The following CEP43 variants were observed in gnomAD, a reference collection of about 807,000 sequenced individuals.
The protein encoded by CEP43 is centrosomal protein 43, also known as FGFR1 oncogene partner.
In CEP43, 36 loss-of-function variants were observed where a neutral mutation model predicts 52.6. The ratio of observed to expected loss-of-function variants is 0.68; its 90% CI spans 0.52 to 0.90. The LOEUF is 0.90. Ranked by LOEUF, CEP43 falls within the 40% of genes least tolerant of loss-of-function variation. CEP43 has a pLI of 0.00. For missense variants in CEP43, 506 were observed against 472.8 expected (o/e 1.07, Z -0.65); for synonymous variants, 192 against 172.4 (o/e 1.11, Z -0.89).
intron 12 of CEP43, among the ~76,000 whole-genome samples, chr6:167,038,068 T>A (rs1780619947): frequency 2.0e-5 from 3 of 152,240 alleles, no homozygotes; most frequent in Admixed American, 2.0e-4. Flanking sequence ...CCCGTGGTTT[T>A]TTCCTTAGTT....
rs774542157 is a variant in CEP43, at chr6:167,022,414, C to T, written c.585C>T (p.Ala195=). 6.2e-7 allele frequency: 1 copy of T among 1,611,940 alleles called. No homozygotes were observed. The highest frequency in any genetic ancestry group is 1.3e-5 in the African/African-American group (1 of 74,842). Residue 195 remains alanine, a synonymous_variant, in exon 8 of 13, where the codon GCC becomes GCT. Coordinates refer to ENST00000366847, the MANE Select transcript of CEP43 (RefSeq NM_007045.4). ...CTCTTTCCCTCTCTTTCTAGAAGGC[C>T]AATGATGAGGCCAATCAGAGTGATA... ...TSGQKAGDKK[A]NDEANQSDTS...
At chr6:166,999,713 G>GCCT in intron 1 of CEP43, 199 bp downstream of exon 1, 1 of 486,210 alleles carries the variant, frequency 2.1e-6, no homozygotes, top group Non-Finnish European at 3.6e-6. Context: ...TGGTCCCGGA[G>GCCT]GGCACCGCGG....
At chr6:167,020,043 C>G (rs1780190228) in intron 7 of CEP43, among the ~76,000 whole-genome samples, 1 of 152,122 alleles carries the variant, frequency 6.6e-6, no homozygotes, top group Non-Finnish European at 1.5e-5. Flanking sequence ...AATGCATATT[C>G]TTTTAAAAAG....
intron 6 of CEP43, among the ~76,000 whole-genome samples, chr6:167,011,902 A>T (rs910066876): frequency 6.6e-6 from 1 of 152,170 alleles, no homozygotes; most frequent in Non-Finnish European, 1.5e-5. Flanking sequence ...ATACCATCAC[A>T]TTGAGGGTTA....
chr6:167,021,072 G>GA (rs5881725), intron 7 of CEP43, among the ~76,000 whole-genome samples: 4 of 143,882 alleles, frequency 2.8e-5, no homozygotes, highest in Admixed American at 7.0e-5. Context: ...TCTTAAAAAA[G>GA]AAAAAAAAAA....
At chr6:167,025,523 C>T (rs887653690) in intron 9 of CEP43, among the ~76,000 whole-genome samples, 1 of 152,172 alleles carries the variant, frequency 6.6e-6, no homozygotes, top group African/African-American at 2.4e-5. Context: ...ATTTAATTAG[C>T]GTAGTGTTTC....
At chr6:167,014,363 C>T (rs1397631115) in intron 7 of CEP43, among the ~76,000 whole-genome samples, 1 of 152,178 alleles carries the variant, frequency 6.6e-6, no homozygotes, top group South Asian at 2.1e-4. Flanking sequence ...CTGCATACTA[C>T]CAAGGCCTTG....
intron 7 of CEP43, among the ~76,000 whole-genome samples, chr6:167,016,183 T>C (rs763735124): frequency 1.3e-5 from 2 of 152,216 alleles, no homozygotes; most frequent in African/African-American, 2.4e-5. Flanking sequence ...GTTTTTAATA[T>C]TTAGAATTAG....
rs1780734575 is a variant in CEP43, at chr6:167,043,165, T to C, written c.*3187T>C. On this transcript the variant is annotated 3_prime_UTR_variant, in exon 13 of 13. Coordinates refer to ENST00000366847, the MANE Select transcript of CEP43 (RefSeq NM_007045.4). ...GGGCCTCTGAAGGAGGTGCCCTCTGTGTGGCTCTGCTGTGGTGTTGGTTCA... is the reference window on the plus strand; with the variant it reads ...GGGCCTCTGAAGGAGGTGCCCTCTGCGTGGCTCTGCTGTGGTGTTGGTTCA... The C allele has an allele frequency of 6.6e-6, 1 of 152,448 alleles. No individual in the cohort carries two copies. Among genetic ancestry groups the C allele is most frequent in the Admixed American group, 6.5e-5 (1 of 15,282 alleles). 9.4% of individuals were successfully genotyped at this position (152,448 alleles called of 1,614,324 possible).
chr6:167,037,235 C>T, intron 12 of CEP43, among the ~76,000 whole-genome samples: 1 of 152,128 alleles, frequency 6.6e-6, no homozygotes, highest in East Asian at 1.9e-4. Flanking sequence ...CTTTTCTTTG[C>T]CTTAAAGCAA....
intron 3 of CEP43, 85 bp downstream of exon 3, chr6:167,003,332 C>T: frequency 1.4e-6 from 1 of 712,520 alleles, no homozygotes; most frequent in Non-Finnish European, 2.3e-6. Context: ...AATTTCAGGG[C>T]TTTTTTTTTG....
intron 12 of CEP43, chr6:167,036,271 A>C (rs1780583557): frequency 2.0e-6 from 2 of 985,286 alleles, no homozygotes; most frequent in South Asian, 4.7e-5. Context: ...GCTCCATGAG[A>C]ACAGAAGGGA....
rs546745575 is a variant in CEP43, at chr6:167,003,824, A to T, written c.300+13A>T. On this transcript the variant is annotated intron_variant, in intron 4 of 12. Coordinates refer to ENST00000366847, the MANE Select transcript of CEP43 (RefSeq NM_007045.4). ...TGAAACTAGCACAGTAAGAATAATG[A>T]TTTTTACATCTATCTTTTGAAACCT... The T allele has an allele frequency of 6.7e-7, 1 of 1,501,520 alleles. No individual in the cohort carries two copies. Among genetic ancestry groups the T allele is most frequent in the African/African-American group, 1.4e-5 (1 of 72,818 alleles). The allele number at this position is 1,501,520 out of a possible 1,614,324, so 93.0% of individuals were successfully genotyped here. A position where few individuals can be genotyped will look rare whatever the true frequency, so the allele number is the denominator to read the frequency against.
At chr6:167,032,007 A>G (rs1035521766) in intron 10 of CEP43, among the ~76,000 whole-genome samples, 4 of 152,130 alleles carry the variant, frequency 2.6e-5, no homozygotes, top group African/African-American at 9.7e-5. Flanking sequence ...TAAGCACATC[A>G]TGTACCTGAA....
At position 167,041,270 on chromosome 6, in the gene CEP43, G is replaced by A. The variant is rs1780688851; in HGVS notation, c.*1292G>A. On this transcript the variant is annotated 3_prime_UTR_variant, in exon 13 of 13. Coordinates refer to ENST00000366847, the MANE Select transcript of CEP43 (RefSeq NM_007045.4). ...ATTACTCCTTGGGCTCTAAAATGTA[G>A]AGGAAATGAAAATGTAAGGATTAAG... The A allele has an allele frequency of 1.9e-6, 2 of 1,049,636 alleles. No individual in the cohort carries two copies. The highest frequency in any genetic ancestry group is 9.1e-5 in the South Asian group (2 of 21,866). The allele number at this position is 1,049,636 out of a possible 1,614,324, so 65.0% of individuals were successfully genotyped here. A position where few individuals can be genotyped will look rare whatever the true frequency, so the allele number is the denominator to read the frequency against.
rs746130496 is a variant in CEP43 at position 167,033,946 on chromosome 6, T to C, written c.1100T>C (p.Ile367Thr). Residue 367 changes from isoleucine to threonine, a missense_variant, in exon 12 of 13, where the codon ATA becomes ACA. Physicochemically the swap from Ile to Thr is moderately conservative, Grantham distance 89 (BLOSUM62 -1). Coordinates refer to ENST00000366847, the MANE Select transcript of CEP43 (RefSeq NM_007045.4). ...EEIEEDLSVEIDDINTSDKLD... is the reference protein window; with the variant it reads ...EEIEEDLSVETDDINTSDKLD... ...ATAGAAGAAGACCTTTCTGTGGAAA[T>C]AGATGACATCAATACCAGTGATAAG... The C allele has an allele frequency of 1.3e-5, 20 of 1,582,502 alleles. No individual in the cohort carries two copies. In the Admixed American group the frequency reaches 3.2e-4, roughly 26 times the overall value.
At chr6:167,015,893 T>C (rs927744898) in intron 7 of CEP43, among the ~76,000 whole-genome samples, 2 of 152,110 alleles carry the variant, frequency 1.3e-5, no homozygotes, top group African/African-American at 4.8e-5. Context: ...AAAATAAAGA[T>C]TAAAGATAAA....
chr6:167,018,371 C>G (rs1583279048), intron 7 of CEP43, among the ~76,000 whole-genome samples: 3 of 152,042 alleles, frequency 2.0e-5, no homozygotes, highest in African/African-American at 7.3e-5. Context: ...AATTCTAAGG[C>G]ATTGCCATGG....
chr6:167,031,766 G>C (rs1480310885), intron 10 of CEP43, among the ~76,000 whole-genome samples: 3 of 152,150 alleles, frequency 2.0e-5, no homozygotes, highest in Admixed American at 2.0e-4. Context: ...CTCCAAGTCT[G>C]CTTTGAGGCT....
Sources: gnomAD v4.1 joint callset for allele counts (sites outside exome capture counted in the v4.1 genomes callset) on GRCh38, gnomAD v4.1.1 for gene constraint, MANE v1.5 for transcripts, NCBI Gene and HGNC (gene_info 2026-07-23, HGNC 2026-07-21) for gene names.